The following LRRC4C variants were observed in gnomAD, a reference collection of about 807,000 sequenced individuals.
LRRC4C encodes the protein leucine-rich repeat-containing protein 4C.
A neutral mutation model predicts 33.6 loss-of-function variants in LRRC4C; 5 were observed. That is an observed-to-expected ratio of 0.15 (90% confidence interval 0.08 to 0.31). The LOEUF (loss-of-function observed/expected upper bound fraction) is 0.31, where lower values mean the gene tolerates loss of function less well. Among genes scored for constraint, LRRC4C ranks in the 10% least tolerant of loss-of-function variants. The pLI is 1.00. For synonymous variants in LRRC4C, 329 were observed against 302.0 expected (o/e 1.09, Z -0.93); for missense variants, 560 against 796.7 (o/e 0.70, Z 3.58).
At chr11:41,400,484 C>T (rs1416200611) in intron 1 of LRRC4C, among the ~76,000 whole-genome samples, 1 of 151,876 alleles carries the variant, frequency 6.6e-6, no homozygotes, top group Non-Finnish European at 1.5e-5. Flanking sequence ...TGTGTCCCTG[C>T]TTCCAGTTCC....
chr11:41,286,178 A>G (rs190249799), intron 1 of LRRC4C, among the ~76,000 whole-genome samples: 39 of 152,250 alleles, frequency 2.6e-4, no homozygotes, highest in African/African-American at 9.4e-4. Flanking sequence ...AAAGGAATGG[A>G]TTCTTCTCAT....
intron 1 of LRRC4C, among the ~76,000 whole-genome samples, chr11:41,149,442 G>C (rs1055961280): frequency 1.3e-5 from 2 of 150,644 alleles, no homozygotes; most frequent in Non-Finnish European, 3.0e-5. Context: ...CCCGGGAGGC[G>C]GAGCTTGCAG....
chr11:40,963,124 G>A (rs1851085480), intron 1 of LRRC4C, among the ~76,000 whole-genome samples: 1 of 151,556 alleles, frequency 6.6e-6, no homozygotes, highest in African/African-American at 2.4e-5. Context: ...CTTAAAGGAA[G>A]GTTAACTTTT....
At chr11:40,182,033 A>G (rs1207014096) in intron 5 of LRRC4C, among the ~76,000 whole-genome samples, 1 of 152,214 alleles carries the variant, frequency 6.6e-6, no homozygotes, top group Non-Finnish European at 1.5e-5. Flanking sequence ...CTCTCTTATT[A>G]AGAAAGCTAA....
At chr11:41,265,898 C>T (rs1455942607) in intron 1 of LRRC4C, among the ~76,000 whole-genome samples, 4 of 151,248 alleles carry the variant, frequency 2.6e-5, no homozygotes, top group African/African-American at 7.3e-5. Context: ...ATAATAATTA[C>T]ATTCTTTAAT....
At chr11:40,855,302 A>G (rs1248316322) in intron 2 of LRRC4C, among the ~76,000 whole-genome samples, 2 of 152,208 alleles carry the variant, frequency 1.3e-5, no homozygotes, top group African/African-American at 2.4e-5. Flanking sequence ...TGTTTTTACT[A>G]TAATGAAAAA....
intron 2 of LRRC4C, among the ~76,000 whole-genome samples, chr11:40,733,358 AGCCACGGTGCCC>A (rs1195050721): frequency 7.9e-5 from 12 of 152,022 alleles, no homozygotes. Context: ...TGCAGGCGTG[AGCCACGGTGCCC>A]GCCTGAATAT....
chr11:41,160,883 GA>G (rs1944440666), intron 1 of LRRC4C, among the ~76,000 whole-genome samples: 1 of 152,076 alleles, frequency 6.6e-6, no homozygotes, highest in African/African-American at 2.4e-5. Flanking sequence ...TATTTATGAA[GA>G]AAAGTTTTGT....
chr11:41,154,717 G>A (rs1944149518), intron 1 of LRRC4C, among the ~76,000 whole-genome samples: 1 of 152,154 alleles, frequency 6.6e-6, no homozygotes, highest in African/African-American at 2.4e-5. Flanking sequence ...AAAGAAGACA[G>A]CCATTATCAT....
At chr11:41,111,645 A>G (rs552915941) in intron 1 of LRRC4C, among the ~76,000 whole-genome samples, 6 of 152,074 alleles carry the variant, frequency 3.9e-5, no homozygotes, top group Non-Finnish European at 8.8e-5. Context: ...TAGCACTTTG[A>G]AACATGAAAT....
chr11:40,406,381 C>T (rs1235856618), intron 3 of LRRC4C, among the ~76,000 whole-genome samples: 1 of 152,056 alleles, frequency 6.6e-6, no homozygotes, highest in Non-Finnish European at 1.5e-5. Flanking sequence ...AAGCACAAAG[C>T]ATGTTATTTT....
intron 1 of LRRC4C, among the ~76,000 whole-genome samples, chr11:41,453,319 C>T (rs944922549): frequency 2.6e-5 from 4 of 152,048 alleles, no homozygotes; most frequent in African/African-American, 7.2e-5. Flanking sequence ...CCAAAGACCA[C>T]AAAAATATGG....
intron 3 of LRRC4C, among the ~76,000 whole-genome samples, chr11:40,462,239 T>A (rs565745476): frequency 6.6e-6 from 1 of 152,180 alleles, no homozygotes; most frequent in South Asian, 2.1e-4. Flanking sequence ...AAGAGTTTAT[T>A]TAAAACTTTG....
chr11:40,247,306 A>G (rs1194973476), intron 4 of LRRC4C, among the ~76,000 whole-genome samples: 1 of 152,126 alleles, frequency 6.6e-6, no homozygotes, highest in Non-Finnish European at 1.5e-5. Context: ...TTATAAAGCT[A>G]TCCTTTGCAA....
chr11:40,461,008 G>A (rs1241061283), intron 3 of LRRC4C, among the ~76,000 whole-genome samples: 2 of 152,100 alleles, frequency 1.3e-5, no homozygotes, highest in Non-Finnish European at 2.9e-5. Context: ...ACCTATGGTA[G>A]GTACAGCTTT....
Position 40,314,884 on chromosome 11 carries a change from T to C in LRRC4C, c.-176+4744A>G, listed in dbSNP as rs924857551. On this transcript the variant is annotated intron_variant, in intron 4 of 6. Coordinates refer to ENST00000528697, the MANE Select transcript of LRRC4C (RefSeq NM_001258419.2). Reference sequence around the variant, plus strand: ...TAATAGTAAAAAGTAGAACAGAAGATAGTAGAGTCTGGGAAGTGTAGGGGA... The same window carrying C: ...TAATAGTAAAAAGTAGAACAGAAGACAGTAGAGTCTGGGAAGTGTAGGGGA... 8.6e-5 allele frequency among the ~76,000 whole-genome samples: 13 copies of C among 152,016 alleles called. No homozygotes were observed. In the East Asian group the frequency reaches 1.9e-3, roughly 23 times the overall value.
intron 2 of LRRC4C, among the ~76,000 whole-genome samples, chr11:40,745,315 A>T (rs540917115): frequency 6.6e-6 from 1 of 152,292 alleles, no homozygotes; most frequent in East Asian, 1.9e-4. Flanking sequence ...TCTCCAAAAA[A>T]GGGGATTGAG....
intron 2 of LRRC4C, among the ~76,000 whole-genome samples, chr11:40,844,628 A>G (rs1591862774): frequency 1.3e-5 from 2 of 152,166 alleles, no homozygotes; most frequent in Admixed American, 6.6e-5. Context: ...CCAGACCTGT[A>G]TCTAGAGTTT....
intron 1 of LRRC4C, among the ~76,000 whole-genome samples, chr11:41,012,932 A>AT (rs575559452): frequency 3.3e-5 from 5 of 151,884 alleles, no homozygotes; most frequent in South Asian, 2.1e-4. Context: ...TTAAAATCAG[A>AT]TTTTTTTTCC....
Sources: allele counts gnomAD v4.1 joint callset (sites outside exome capture counted in the v4.1 genomes callset), GRCh38; gene constraint gnomAD v4.1.1; transcripts MANE v1.5; gene names NCBI Gene and HGNC (gene_info 2026-07-23, HGNC 2026-07-21).